HMOX1: variants seen among roughly 807,000 people sequenced by gnomAD.
HMOX1 encodes heme oxygenase 1.
In HMOX1, 22 loss-of-function variants were observed where a neutral mutation model predicts 27.8. The observed-to-expected ratio is 0.79, with a 90% confidence interval of 0.57 to 1.13. The LOEUF is 1.13. Among genes scored for constraint, HMOX1 ranks in the 50% most tolerant of loss-of-function variants. The pLI is 0.00. For missense variants in HMOX1, 379 were observed against 377.7 expected (o/e 1.00, Z -0.03); for synonymous variants, 153 against 151.6 (o/e 1.01, Z -0.07).
chr22:35,389,448 C>CG (rs1569057841), intron 3 of HMOX1, among the ~76,000 whole-genome samples: 1 of 86,144 alleles, frequency 1.2e-5, no homozygotes, highest in African/African-American at 9.5e-5. Flanking sequence ...TTCTTTCTTT[C>CG]TTTTCTTTCT....
chr22:35,389,325 T>TC (rs1931619280), intron 3 of HMOX1, among the ~76,000 whole-genome samples: 1 of 130,062 alleles, frequency 7.7e-6, no homozygotes. Context: ...CTTTCTTCTT[T>TC]CTTTCTTTCT....
At chr22:35,382,694 G>A (rs1228170599) in intron 1 of HMOX1, among the ~76,000 whole-genome samples, 4 of 140,936 alleles carry the variant, frequency 2.8e-5, no homozygotes, top group Non-Finnish European at 6.1e-5. Flanking sequence ...TTTTTGAGAT[G>A]GAGTCTCTCT....
chr22:35,391,113 C>T (rs978143605), intron 4 of HMOX1, among the ~76,000 whole-genome samples: 1 of 152,230 alleles, frequency 6.6e-6, no homozygotes, highest in East Asian at 1.9e-4. Flanking sequence ...ACACGGACCC[C>T]TCTGCTAGGG....
chr22:35,390,159 C>T (rs1033800433), intron 4 of HMOX1, 196 bp downstream of exon 4: 1 of 621,498 alleles, frequency 1.6e-6, no homozygotes, highest in African/African-American at 1.8e-5. Flanking sequence ...CACCTGACTT[C>T]AAGCAATCCT....
At position 35,393,892 on chromosome 22, in the gene HMOX1, G is replaced by C. The variant is rs1268459209; in HGVS notation, c.*294G>C. ...GCCTGGAAGACACCCTAATGTGGCAGCTGTCTCAAACCTCCAAAAGCCCTG... is the reference window on the plus strand; with the variant it reads ...GCCTGGAAGACACCCTAATGTGGCACCTGTCTCAAACCTCCAAAAGCCCTG... On this transcript the variant is annotated 3_prime_UTR_variant, in exon 5 of 5. Transcript: ENST00000216117. 1.5e-5 allele frequency: 6 copies of C among 413,384 alleles called. No homozygotes were observed. In the Admixed American group the frequency reaches 1.8e-4, roughly 12 times the overall value. The allele number at this position is 413,384 out of a possible 1,614,324, so 25.6% of individuals were successfully genotyped here. A position where few individuals can be genotyped will look rare whatever the true frequency, so the allele number is the denominator to read the frequency against.
At chr22:35,382,671 C>CT (rs563357002) in intron 1 of HMOX1, among the ~76,000 whole-genome samples, 2,522 of 129,468 alleles carry the variant, frequency 0.019, 75 homozygotes, top group African/African-American at 0.066. Context: ...CCCTTTTTTT[C>CT]TTTTTTTTTC....
In HMOX1 at chr22:35,387,054, A is replaced by T. The variant is rs552652411; in HGVS notation, c.514A>T (p.Ile172Phe). Reference protein sequence around the residue: ...EGLAFFTFPNIASATKFKQLY... With the variant: ...EGLAFFTFPNFASATKFKQLY... ...CCTGGCCTTCTTCACCTTCCCCAAC[A>T]TTGCCAGTGCCACCAAGTTCAAGCA... The change falls in exon 3 of 5, where the codon ATT (isoleucine) becomes TTT (phenylalanine). Residue 172 changes from isoleucine to phenylalanine, a missense_variant. Coordinates refer to ENST00000216117, the MANE Select transcript of HMOX1 (RefSeq NM_002133.3). The T allele has an allele frequency of 6.2e-7, 1 of 1,613,588 alleles. No individual in the cohort carries two copies. The highest frequency in any genetic ancestry group is 1.3e-5 in the African/African-American group (1 of 75,042).
In HMOX1 at chr22:35,393,464, T is replaced by C. The variant is rs1277265776; in HGVS notation, c.737-4T>C. 1 of 1,614,136 alleles carries C rather than the reference T, an allele frequency of 6.2e-7. No homozygotes were observed. The highest frequency in any genetic ancestry group is 8.5e-7 in the Non-Finnish European group (1 of 1,180,000). On this transcript the variant is annotated splice_polypyrimidine_tract_variant and splice_region_variant and intron_variant, in intron 4 of 4. Coordinates refer to ENST00000216117, the MANE Select transcript of HMOX1 (RefSeq NM_002133.3). ...TAATGACCTTGCCCCATTTTCTCTT[T>C]CAGATTCTGCCCCCGTGGAGACTCC...
At chr22:35,389,416 C>CTT (rs1302022243) in intron 3 of HMOX1, among the ~76,000 whole-genome samples, 4 of 99,436 alleles carry the variant, frequency 4.0e-5, no homozygotes, top group Non-Finnish European at 7.2e-5. Context: ...TTCTTTCTTT[C>CTT]TTTCTTTCTT....
intron 3 of HMOX1, among the ~76,000 whole-genome samples, chr22:35,388,935 A>G (rs1931578984): frequency 6.6e-6 from 1 of 152,206 alleles, no homozygotes; most frequent in Non-Finnish European, 1.5e-5. Context: ...CACCTCACCA[A>G]GGCTGAATTT....
At chr22:35,382,755 G>T (rs996466727) in intron 1 of HMOX1, among the ~76,000 whole-genome samples, 1 of 151,090 alleles carries the variant, frequency 6.6e-6, no homozygotes, top group Non-Finnish European at 1.5e-5. Context: ...TGCAACCTCT[G>T]CCTCCGGGAT....
chr22:35,391,759 T>G (rs1386524416), intron 4 of HMOX1, among the ~76,000 whole-genome samples: 1 of 76,516 alleles, frequency 1.3e-5, no homozygotes, highest in African/African-American at 3.7e-5. Flanking sequence ...ACACCCAGAT[T>G]TTTTTTTTTT....
At position 35,387,194 on chromosome 22, in the gene HMOX1, TG is replaced by T; in HGVS notation, c.636+22del. On this transcript the variant is annotated intron_variant, in intron 3 of 4. Transcript: ENST00000216117. ...ACATCCAGGTGAGGGTCGGGCAGCC[TG>T]GGGCAGCCTCTGCCTCCCCCCGTTG... 1 of 1,613,074 alleles carries T rather than the reference TG, an allele frequency of 6.2e-7. No individual in the cohort carries two copies. The highest frequency in any genetic ancestry group is 8.5e-7 in the Non-Finnish European group (1 of 1,179,936).
At chr22:35,389,399 T>C (rs201061577) in intron 3 of HMOX1, among the ~76,000 whole-genome samples, 2,613 of 42,024 alleles carry the variant, frequency 0.062, 35 homozygotes, top group African/African-American at 0.075. Context: ...TTCCTTCCTT[T>C]CTTTCTTTCT....
intron 4 of HMOX1, among the ~76,000 whole-genome samples, chr22:35,391,338 A>T (rs527700170): frequency 4.6e-5 from 7 of 151,260 alleles, no homozygotes; most frequent in Non-Finnish European, 1.0e-4. Flanking sequence ...CCCAGGCTGG[A>T]GTGCAGTGGC....
chr22:35,393,531 T>C lies in HMOX1; in HGVS notation c.800T>C (p.Leu267Pro). Residue 267 changes from leucine (L) to proline (P), a missense_variant, in exon 5 of 5, where the codon CTT (leucine) becomes CCT (proline). Physicochemically the swap from Leu to Pro is moderately conservative, Grantham distance 98 (BLOSUM62 -3). Coordinates refer to ENST00000216117, the MANE Select transcript of HMOX1 (RefSeq NM_002133.3). ...PPLNTRSQAP[L>P]LRWVLTLSFL... ...CTCAACACCCGCTCCCAGGCTCCGCTTCTCCGATGGGTCCTTACACTCAGC... is the reference window on the plus strand; with the variant it reads ...CTCAACACCCGCTCCCAGGCTCCGCCTCTCCGATGGGTCCTTACACTCAGC... The C allele has an allele frequency of 6.2e-7, 1 of 1,614,218 alleles. No individual in the cohort carries two copies. The highest frequency in any genetic ancestry group is 8.5e-7 in the Non-Finnish European group (1 of 1,180,034).
At chr22:35,387,204 T>C in intron 3 of HMOX1, 28 bp downstream of exon 3, 1 of 1,612,684 alleles carries the variant, frequency 6.2e-7, no homozygotes. Context: ...TGGGGCAGCC[T>C]CTGCCTCCCC....
In HMOX1 at chr22:35,393,730, G is replaced by A; in HGVS notation, c.*132G>A. ...TTTCAGGGCCTCCAGCCCTCTCACT[G>A]TGTCCCTCTCTCTGGAAAGGAGGAA... On this transcript the variant is annotated 3_prime_UTR_variant, in exon 5 of 5. Coordinates refer to ENST00000216117, the MANE Select transcript of HMOX1 (RefSeq NM_002133.3). The A allele has an allele frequency of 9.3e-7, 1 of 1,070,724 alleles. No individual in the cohort carries two copies. Among genetic ancestry groups the A allele is most frequent in the Non-Finnish European group, 1.4e-6 (1 of 696,306 alleles). 66.3% of individuals were successfully genotyped at this position (1,070,724 alleles called of 1,614,324 possible).
chr22:35,389,193 C>CTT (rs1468018920), intron 3 of HMOX1, among the ~76,000 whole-genome samples: 3 of 123,362 alleles, frequency 2.4e-5, no homozygotes, highest in East Asian at 2.4e-4. Context: ...TATGAATTTT[C>CTT]TTTCTTTCTT....
Sources: gnomAD v4.1 joint callset for allele counts (sites outside exome capture counted in the v4.1 genomes callset) on GRCh38, gnomAD v4.1.1 for gene constraint, MANE v1.5 for transcripts, NCBI Gene and HGNC (gene_info 2026-07-23, HGNC 2026-07-21) for gene names.